RPUSD4: variants seen among roughly 807,000 people sequenced by gnomAD.
The protein encoded by RPUSD4 is pseudouridylate synthase RPUSD4, mitochondrial.
In RPUSD4, 37 loss-of-function variants were observed where a neutral mutation model predicts 35.4. The observed-to-expected ratio is 1.04, with a 90% CI of 0.80 to 1.37. RPUSD4 has a LOEUF of 1.37. Ranked by LOEUF, RPUSD4 falls within the 40% of genes most tolerant of loss-of-function variation. RPUSD4 has a pLI of 0.00. For missense variants in RPUSD4, 507 were observed against 484.9 expected, an observed-to-expected ratio of 1.05 and a Z score of -0.43; for synonymous variants, 210 against 192.7, an observed-to-expected ratio of 1.09 and a Z score of -0.74.
In RPUSD4 at chr11:126,211,457, TTC is replaced by T; in HGVS notation, c.180_181del (p.Lys61GlyfsTer32). On this transcript the variant is annotated frameshift_variant, in exon 1 of 7. Coordinates refer to ENST00000298317, the MANE Select transcript of RPUSD4 (RefSeq NM_032795.3). LOFTEE classifies it high-confidence loss of function. ...TGGTCCCTTTGGACTCACCGGCTCC[TTC>T]TTTGTGTCTTGTTCCCGTTTCTGGG... The T allele has an allele frequency of 6.2e-7, 1 of 1,612,584 alleles. No individual in the cohort carries two copies. Among genetic ancestry groups the T allele is most frequent in the Non-Finnish European group, 8.5e-7 (1 of 1,179,234 alleles).
rs753186176 is a variant in RPUSD4 at position 126,203,672 on chromosome 11, G to A, written c.895-15C>T. On this transcript the variant is annotated splice_polypyrimidine_tract_variant and intron_variant, in intron 6 of 6. Transcript: ENST00000298317. ...ACAGACAGCTTCTATACAAAGAAAG[G>A]ACAGACCCTTGAGAGCAAGGCCAAC... 6.2e-6 allele frequency: 10 copies of A among 1,604,610 alleles called. No individual in the cohort carries two copies. In the East Asian group the frequency reaches 1.3e-4, roughly 22 times the overall value.
At position 126,210,520 on chromosome 11, in the gene RPUSD4, T is replaced by TACATACACACACACACACAC. The variant is rs746246254; in HGVS notation, c.355+369_355+370insGTGTGTGTGTGTGTGTATGT. ...TATGTTACATATACTCCAACATACA[T>TACATACACACACACACACAC]ACACACACACACACACACACACACA... On this transcript the variant is annotated intron_variant, in intron 2 of 6. Coordinates refer to ENST00000298317, the MANE Select transcript of RPUSD4 (RefSeq NM_032795.3). Among the ~76,000 whole-genome samples the TACATACACACACACACACAC allele has an allele frequency of 6.9e-3, 417 of 60,264 alleles. 1 individual carries two copies. Among genetic ancestry groups the TACATACACACACACACACAC allele is most frequent in the African/African-American group, 9.5e-3 (166 of 17,404 alleles). The allele number at this position is 60,264 out of a possible 152,430, so 39.5% of individuals were successfully genotyped here. A position where few individuals can be genotyped will look rare whatever the true frequency, so the allele number is the denominator to read the frequency against.
chr11:126,211,383 C>A, intron 1 of RPUSD4, 67 bp downstream of exon 1: 1 of 1,505,026 alleles, frequency 6.6e-7, no homozygotes, highest in Non-Finnish European at 9.0e-7. Flanking sequence ...GACCCTCCTA[C>A]CTACTCCCCG....
At position 126,205,448 on chromosome 11, in the gene RPUSD4, C is replaced by T. The variant is rs143794510; in HGVS notation, c.796+20G>A. The T allele has an allele frequency of 0.026, 41,754 of 1,613,684 alleles. 656 individuals are homozygous for T. The highest frequency in any genetic ancestry group is 0.032 in the Non-Finnish European group (37,217 of 1,179,654). Reference sequence around the variant, plus strand: ...GGCACAGGGTTTTGTGATCCCACTGCGGAAAAGTGACACTCTCACCAGTGA... The same window carrying T: ...GGCACAGGGTTTTGTGATCCCACTGTGGAAAAGTGACACTCTCACCAGTGA... On this transcript the variant is annotated intron_variant, in intron 5 of 6. Coordinates refer to ENST00000298317, the MANE Select transcript of RPUSD4 (RefSeq NM_032795.3).
rs200741874 is a variant in RPUSD4 at position 126,203,523 on chromosome 11, G to A, written c.1029C>T (p.Cys343=). Residue 343 remains cysteine, a synonymous_variant, in exon 7 of 7, where the codon TGC becomes TGT. Coordinates refer to ENST00000298317, the MANE Select transcript of RPUSD4 (RefSeq NM_032795.3). ...AATGCACAAAGAAGCGAGGAAGTTT[G>A]CAGACCAAGTTGAGTTCCTCCTTCC... ...GSGKEELNLV[C]KLPRFFVHSL... is the part of the protein sequence containing the mutation. 2,580 of 1,614,172 alleles carry A rather than the reference G, an allele frequency of 1.6e-3. 59 individuals carry two copies. The South Asian group carries it at 0.027, about 17-fold the overall frequency.
chr11:126,205,665 C>G (rs1184890113), intron 4 of RPUSD4, 23 bp downstream of exon 4: 2 of 1,612,932 alleles, frequency 1.2e-6, no homozygotes, highest in African/African-American at 2.7e-5. Context: ...GCAACCCATG[C>G]CTCAGGGAGG....
At chr11:126,205,954 T>TCA in intron 3 of RPUSD4, 173 bp from the exon 4 acceptor site, 1 of 489,168 alleles carries the variant, frequency 2.0e-6, no homozygotes, top group Non-Finnish European at 3.6e-6. Context: ...CTGATAGATT[T>TCA]CACAAGCTTA....
chr11:126,210,550 C>CACACACACACACACACACACA (rs3220746), intron 2 of RPUSD4, among the ~76,000 whole-genome samples: 11 of 144,728 alleles, frequency 7.6e-5, no homozygotes, highest in South Asian at 2.2e-4. Flanking sequence ...CACACACACA[C>CACACACACACACACACACACA]CCCCTTTTTT....
intron 5 of RPUSD4, 24 bp downstream of exon 5, chr11:126,205,444 A>T: frequency 6.2e-7 from 1 of 1,613,554 alleles, no homozygotes; most frequent in Non-Finnish European, 8.5e-7. Context: ...TTGTGATCCC[A>T]CTGCGGAAAA....
At chr11:126,205,032 C>G (rs1250265980) in intron 5 of RPUSD4, among the ~76,000 whole-genome samples, 1 of 152,158 alleles carries the variant, frequency 6.6e-6, no homozygotes, top group Admixed American at 6.5e-5. Context: ...CAGAATTTCC[C>G]TTCCTTTAAT....
intron 6 of RPUSD4, 150 bp downstream of exon 6, chr11:126,204,081 C>A: frequency 1.4e-6 from 1 of 702,746 alleles, no homozygotes; most frequent in South Asian, 1.7e-5. Flanking sequence ...ACCAACTGCT[C>A]CTAAATTTCT....
chr11:126,209,937 A>AT (rs1306803938), intron 2 of RPUSD4, among the ~76,000 whole-genome samples: 2 of 152,234 alleles, frequency 1.3e-5, no homozygotes, highest in Non-Finnish European at 2.9e-5. Context: ...CAGAATCTGC[A>AT]TTTTACAAGC....
In RPUSD4 at chr11:126,202,945, A is replaced by C. The variant is rs1949728272; in HGVS notation, c.*473T>G. 2 of 169,064 alleles carry C rather than the reference A, an allele frequency of 1.2e-5. No individual in the cohort carries two copies. The highest frequency in any genetic ancestry group is 5.7e-5 in the Admixed American group (1 of 17,600). 10.5% of individuals were successfully genotyped at this position (169,064 alleles called of 1,614,324 possible). On this transcript the variant is annotated 3_prime_UTR_variant, in exon 7 of 7. Coordinates refer to ENST00000298317, the MANE Select transcript of RPUSD4 (RefSeq NM_032795.3). The stretch of plus-strand genomic sequence containing the variant: ...TTCCCTAATCAGAGTTCAGTAGGGC[A>C]CCCACACTATAGCTGGGCAATCCCT...
At position 126,203,647 on chromosome 11, in the gene RPUSD4, A is replaced by G; in HGVS notation, c.905T>C (p.Val302Ala). 6.2e-7 allele frequency: 1 copy of G among 1,612,632 alleles called. No individual in the cohort carries two copies. The highest frequency in any genetic ancestry group is 8.5e-7 in the Non-Finnish European group (1 of 1,178,912). The change falls in exon 7 of 7, where the codon GTG becomes GCG. Residue 302 changes from valine (V) to alanine (A), a missense_variant. Transcript: ENST00000298317. ...TAGCCCCAGCTTCTTCAGGGTGCCCACAGACAGCTTCTATACAAAGAAAGG... is the reference window on the plus strand; with the variant it reads ...TAGCCCCAGCTTCTTCAGGGTGCCCGCAGACAGCTTCTATACAAAGAAAGG... ...WNRLAPQKLS[V>A]GTLKKLGLEQ...
intron 1 of RPUSD4, 110 bp downstream of exon 1, chr11:126,211,340 C>T (rs1949863859): frequency 8.1e-7 from 1 of 1,241,148 alleles, no homozygotes; most frequent in Admixed American, 2.3e-5. Flanking sequence ...CACCTTGCGT[C>T]CGGGCTATTG....
At chr11:126,205,966 C>A in intron 3 of RPUSD4, 185 bp from the exon 4 acceptor site, 2 of 475,002 alleles carry the variant, frequency 4.2e-6, no homozygotes, top group African/African-American at 1.9e-5. Flanking sequence ...ACAAGCTTAT[C>A]TTTTTTACTA....
Position 126,205,361 on chromosome 11 carries a change from A to T in RPUSD4, c.796+107T>A, listed in dbSNP as rs1591487826. ...GGCCTCAGATCAGCACCAGAAGCAC[A>T]TTCTCACACAAGTCAGCCACACTAC... On this transcript the variant is annotated intron_variant, in intron 5 of 6. Transcript: ENST00000298317. 9.3e-6 allele frequency: 13 copies of T among 1,395,704 alleles called. No individual in the cohort carries two copies. The East Asian group carries it at 3.0e-4, about 33-fold the overall frequency. The allele number at this position is 1,395,704 out of a possible 1,614,324, so 86.5% of individuals were successfully genotyped here. A position where few individuals can be genotyped will look rare whatever the true frequency, so the allele number is the denominator to read the frequency against.
rs1274065321 is a variant in RPUSD4 at position 126,202,190 on chromosome 11, T to C, written c.*1228A>G. 6.6e-6 allele frequency: 1 copy of C among 152,304 alleles called. No homozygotes were observed. Among genetic ancestry groups the C allele is most frequent in the South Asian group, 2.1e-4 (1 of 4,830 alleles). 9.4% of individuals were successfully genotyped at this position (152,304 alleles called of 1,614,324 possible). The stretch of plus-strand genomic sequence containing the variant: ...TGGCATCATCTATACAGAGGGAACA[T>C]ATAAAGACTGTCCCGGGGTGTACCC... On this transcript the variant is annotated 3_prime_UTR_variant, in exon 7 of 7. Transcript: ENST00000298317.
In RPUSD4 at chr11:126,203,168, G is replaced by T. The variant is rs982595705; in HGVS notation, c.*250C>A. The T allele has an allele frequency of 8.6e-6, 4 of 466,894 alleles. No individual in the cohort carries two copies. The highest frequency in any genetic ancestry group is 5.8e-5 in the African/African-American group (3 of 51,406). The allele number at this position is 466,894 out of a possible 1,614,324, so 28.9% of individuals were successfully genotyped here. A position where few individuals can be genotyped will look rare whatever the true frequency, so the allele number is the denominator to read the frequency against. ...TGGCAATGAGAGCCCACGGCAGGGA[G>T]ACTTCCAGCAGGCTTTTCCACAGTG... On this transcript the variant is annotated 3_prime_UTR_variant, in exon 7 of 7. Coordinates refer to ENST00000298317, the MANE Select transcript of RPUSD4 (RefSeq NM_032795.3).
Sources: gnomAD v4.1 joint callset for allele counts (sites outside exome capture counted in the v4.1 genomes callset) on GRCh38, gnomAD v4.1.1 for gene constraint, MANE v1.5 for transcripts, NCBI Gene and HGNC (gene_info 2026-07-23, HGNC 2026-07-21) for gene names.